Variants in COPS4 observed in about 807,000 individuals in gnomAD.
COPS4 encodes COP9 signalosome subunit 4.
COPS4 carries 8 observed loss-of-function variants against 55.1 expected under a neutral mutation model. The observed-to-expected ratio is 0.15, with a 90% CI of 0.09 to 0.26. The LOEUF (loss-of-function observed/expected upper bound fraction) is 0.26. COPS4 is among the 10% of genes least tolerant of loss of function. COPS4 has a pLI of 1.00. For synonymous variants in COPS4, 185 were observed against 165.7 expected, an observed-to-expected ratio of 1.12 and a Z score of -0.90; for missense variants, 248 against 484.0, an observed-to-expected ratio of 0.51 and a Z score of 4.58.
intron 6 of COPS4, among the ~76,000 whole-genome samples, chr4:83,058,976 A>G (rs929124949): frequency 2.0e-5 from 3 of 152,140 alleles, no homozygotes; most frequent in African/African-American, 7.2e-5. Flanking sequence ...ATCTTTTCTG[A>G]TCTGGTAGAT....
chr4:83,071,717 CT>C (rs561071392), intron 9 of COPS4, among the ~76,000 whole-genome samples: 141 of 144,048 alleles, frequency 9.8e-4, no homozygotes, highest in Middle Eastern at 3.5e-3. Flanking sequence ...TTGTGCCTGG[CT>C]TTTTTTTTTT....
At position 83,048,935 on chromosome 4, in the gene COPS4, G is replaced by A. The variant is rs138733406; in HGVS notation, c.155-231G>A. On this transcript the variant is annotated intron_variant, in intron 2 of 9. Coordinates refer to ENST00000264389, the MANE Select transcript of COPS4 (RefSeq NM_016129.3). The stretch of plus-strand genomic sequence containing the variant: ...GCTGAGATTACAGGCGTGAGCCATC[G>A]CACTGGCCTATTTTTACTGTTTTTG... 3.9e-5 allele frequency among the ~76,000 whole-genome samples: 6 copies of A among 152,190 alleles called. No homozygotes were observed. The East Asian group carries it at 9.6e-4, about 24-fold the overall frequency.
At chr4:83,074,449 G>T (rs1338080189) in intron 9 of COPS4, among the ~76,000 whole-genome samples, 1 of 147,206 alleles carries the variant, frequency 6.8e-6, no homozygotes, top group Non-Finnish European at 1.5e-5. Flanking sequence ...TATTAGCCAA[G>T]ATTTTTTAGA....
chr4:83,068,498 A>G lies in COPS4; in HGVS notation c.1063A>G (p.Ile355Val). ...ACGTATGAATGGATTTATTGACCAGATTGATGGAATAGTTCATTTTGAAAG... is the reference window on the plus strand; with the variant it reads ...ACGTATGAATGGATTTATTGACCAGGTTGATGGAATAGTTCATTTTGAAAG... ...EGRMNGFIDQIDGIVHFETRE... is the reference protein window; with the variant it reads ...EGRMNGFIDQVDGIVHFETRE... Residue 355 changes from isoleucine to valine, a missense_variant, in exon 9 of 10, where the codon ATT (isoleucine) becomes GTT (valine). Physicochemically the swap from Ile to Val is conservative, Grantham distance 29. Transcript: ENST00000264389. 1 of 1,606,854 alleles carries G rather than the reference A, an allele frequency of 6.2e-7. No individual in the cohort carries two copies. The highest frequency in any genetic ancestry group is 8.5e-7 in the Non-Finnish European group (1 of 1,173,622).
At chr4:83,059,463 C>G (rs1731103545) in intron 6 of COPS4, among the ~76,000 whole-genome samples, 1 of 151,902 alleles carries the variant, frequency 6.6e-6, no homozygotes, top group Admixed American at 6.6e-5. Flanking sequence ...TATGTAGATT[C>G]TATCTACTGA....
intron 9 of COPS4, among the ~76,000 whole-genome samples, chr4:83,074,261 T>C (rs1731509496): frequency 1.3e-5 from 2 of 152,182 alleles, no homozygotes; most frequent in Admixed American, 6.5e-5. Flanking sequence ...CTTTTTTTGT[T>C]GTGGTTGAGG....
At chr4:83,064,240 G>T (rs1156954995) in intron 7 of COPS4, among the ~76,000 whole-genome samples, 1 of 152,150 alleles carries the variant, frequency 6.6e-6, no homozygotes, top group Non-Finnish European at 1.5e-5. Context: ...GGGAGGCTGA[G>T]GTAGGAGGAT....
In COPS4 at chr4:83,049,440, A is replaced by T. The variant is rs78711161; in HGVS notation, c.306+123A>T. 3 of 819,262 alleles carry T rather than the reference A, an allele frequency of 3.7e-6. No homozygotes were observed. The African/African-American group carries it at 5.4e-5, about 15-fold the overall frequency. The allele number at this position is 819,262 out of a possible 1,614,324, so 50.7% of individuals were successfully genotyped here. A position where few individuals can be genotyped will look rare whatever the true frequency, so the allele number is the denominator to read the frequency against. On this transcript the variant is annotated intron_variant, in intron 3 of 9. Transcript: ENST00000264389. ...TCATTTTTGACAAAACAGTGTGCCA[A>T]ACGACATTTTATGATGCAAAATCAA...
chr4:83,050,151 C>T (rs142270386), intron 4 of COPS4, among the ~76,000 whole-genome samples, 167 bp downstream of exon 4: 14 of 151,998 alleles, frequency 9.2e-5, no homozygotes, highest in Admixed American at 3.3e-4. Context: ...TGGGGCAAAG[C>T]GGGGACAGGT....
At chr4:83,071,294 AAC>A in intron 9 of COPS4, among the ~76,000 whole-genome samples, 1 of 152,340 alleles carries the variant, frequency 6.6e-6, no homozygotes, top group East Asian at 1.9e-4. Flanking sequence ...TGAATAAACA[AAC>A]ACAGCATATG....
At chr4:83,044,302 G>A (rs528295355) in intron 1 of COPS4, among the ~76,000 whole-genome samples, 2 of 151,632 alleles carry the variant, frequency 1.3e-5, no homozygotes, top group Non-Finnish European at 2.9e-5. Flanking sequence ...AAAATTAGCC[G>A]CACTTGGTGG....
intron 9 of COPS4, among the ~76,000 whole-genome samples, chr4:83,070,929 CT>C (rs1731412980): frequency 6.6e-6 from 1 of 152,122 alleles, no homozygotes; most frequent in Non-Finnish European, 1.5e-5. Context: ...CATAAGTCTT[CT>C]TTTTATTTTT....
chr4:83,035,395 A>G (rs1220493089), intron 1 of COPS4, 97 bp downstream of exon 1: 4 of 1,066,088 alleles, frequency 3.8e-6, no homozygotes, highest in South Asian at 1.3e-5. Context: ...GCGTGAAGCT[A>G]GGAGCCGGCC....
At chr4:83,055,510 C>A (rs939976315) in intron 4 of COPS4, among the ~76,000 whole-genome samples, 2 of 149,574 alleles carry the variant, frequency 1.3e-5, no homozygotes, top group Non-Finnish European at 2.9e-5. Flanking sequence ...GTGGCATGAT[C>A]TCGGCTTACT....
intron 6 of COPS4, among the ~76,000 whole-genome samples, chr4:83,061,711 CTT>C (rs74267635): frequency 2.0e-4 from 29 of 142,032 alleles, no homozygotes; most frequent in Non-Finnish European, 1.7e-4. Flanking sequence ...TAGATTATGT[CTT>C]TTTTTTTTTT....
intron 1 of COPS4, among the ~76,000 whole-genome samples, chr4:83,037,402 G>A (rs1730452180): frequency 6.6e-6 from 1 of 152,180 alleles, no homozygotes; most frequent in Non-Finnish European, 1.5e-5. Context: ...TTCATTGGAA[G>A]CCGTTACTGT....
intron 6 of COPS4, 33 bp from the exon 7 acceptor site, chr4:83,063,043 T>A: frequency 6.7e-7 from 1 of 1,499,174 alleles, no homozygotes; most frequent in Non-Finnish European, 8.9e-7. Context: ...GAAAATAACA[T>A]TGTGAAATTT....
chr4:83,061,001 T>G (rs1324834179), intron 6 of COPS4, among the ~76,000 whole-genome samples: 3 of 150,118 alleles, frequency 2.0e-5, no homozygotes, highest in Non-Finnish European at 3.0e-5. Context: ...GCCATTGCAC[T>G]CCAGCCTGGG....
chr4:83,066,658 A>G (rs1420898861), intron 8 of COPS4, 105 bp downstream of exon 8: 1 of 610,298 alleles, frequency 1.6e-6, no homozygotes, highest in Non-Finnish European at 2.9e-6. Context: ...TTATCTTCCA[A>G]CAAAATAAAT....
Sources: allele counts gnomAD v4.1 joint callset (sites outside exome capture counted in the v4.1 genomes callset), GRCh38; gene constraint gnomAD v4.1.1; transcripts MANE v1.5; gene names NCBI Gene and HGNC (gene_info 2026-07-23, HGNC 2026-07-21).